The following ACOT1 variants were observed in gnomAD, a reference collection of about 807,000 sequenced individuals.
ACOT1 encodes the protein acyl-coenzyme A thioesterase 1.
In ACOT1, 8 loss-of-function variants were observed where a neutral mutation model predicts 15.7. That is an observed-to-expected ratio of 0.51 (90% CI 0.30 to 0.92). The LOEUF is 0.92. Among genes scored for constraint, ACOT1 ranks in the 40% least tolerant of loss-of-function variants. The probability of loss-of-function intolerance (pLI) is 0.06; values close to 1 mark genes in which losing one functional copy is unlikely to be tolerated. For missense variants in ACOT1, 151 were observed against 539.4 expected (o/e 0.28, Z 7.13); for synonymous variants, 67 against 241.2 (o/e 0.28, Z 6.69).
the ACOT1 span, chr14:73,502,765 T>C: frequency 1.1e-5 from 8 of 709,890 alleles, no homozygotes; most frequent in South Asian, 1.3e-4. Context: ...GCCAGGATGG[T>C]CTCGATCTCC....
the ACOT1 span, chr14:73,518,931 T>TG: frequency 7.8e-7 from 1 of 1,289,568 alleles, no homozygotes; most frequent in South Asian, 1.5e-5. Context: ...GCCCATGAAC[T>TG]GGGAGCTCTA....
chr14:73,505,513 C>T, the ACOT1 span, among the ~76,000 whole-genome samples: 1 of 152,026 alleles, frequency 6.6e-6, no homozygotes, highest in Non-Finnish European at 1.5e-5. Context: ...TCTTGTGCCT[C>T]AGCCTTCCAA....
the ACOT1 span, among the ~76,000 whole-genome samples, chr14:73,502,195 C>T: frequency 3.9e-5 from 6 of 151,912 alleles, no homozygotes; most frequent in Non-Finnish European, 8.8e-5. Context: ...GGCTGGGCCT[C>T]CTGTGCAGTC....
chr14:73,522,147 G>A, the ACOT1 span: 21 of 969,134 alleles, frequency 2.2e-5, no homozygotes, highest in East Asian at 4.8e-5. Context: ...AGAGCAGGCC[G>A]GTGGTGGAGA....
chr14:73,522,932 G>A, the ACOT1 span: 1 of 1,614,234 alleles, frequency 6.2e-7, no homozygotes, highest in Middle Eastern at 1.6e-4. Flanking sequence ...CACCTCCTGA[G>A]AGAAGGTAAG....
chr14:73,538,883 G>A (rs1482842350), intron 1 of ACOT1, among the ~76,000 whole-genome samples: 1 of 113,090 alleles, frequency 8.8e-6, no homozygotes, highest in Non-Finnish European at 1.9e-5. Flanking sequence ...CAGGAGAATC[G>A]CTGGAACCCT....
At chr14:73,500,841 C>T in the ACOT1 span, 6 of 938,402 alleles carry the variant, frequency 6.4e-6, no homozygotes, top group African/African-American at 6.6e-5. Context: ...CTGTCAATCC[C>T]ATTCAGCCTT....
At chr14:73,536,397 G>GTTT (rs1480968020), upstream of ACOT1, among the ~76,000 whole-genome samples, 5 of 109,462 alleles carry the variant, frequency 4.6e-5, 1 homozygote, top group African/African-American at 1.5e-4. Context: ...CCCTTGAGGT[G>GTTT]TTTGAGAGGC....
the ACOT1 span, among the ~76,000 whole-genome samples, chr14:73,523,720 T>G: frequency 6.6e-6 from 1 of 152,286 alleles, no homozygotes; most frequent in African/African-American, 2.4e-5. Flanking sequence ...AAATGGCCTT[T>G]CGTACTTGAC....
the ACOT1 span, among the ~76,000 whole-genome samples, chr14:73,521,360 C>T: frequency 6.6e-6 from 1 of 152,122 alleles, no homozygotes; most frequent in African/African-American, 2.4e-5. Flanking sequence ...GCGGCATGGC[C>T]TTGGGGAAGG....
chr14:73,510,230 T>C, the ACOT1 span, among the ~76,000 whole-genome samples: 66,633 of 151,634 alleles, frequency 0.44, 15,480 homozygotes, highest in African/African-American at 0.57. Context: ...TACATTATCT[T>C]GTTATCTTTC....
rs1407868927 is a variant in ACOT1, at chr14:73,538,052, C to T, written c.457+174C>T. 2.7e-5 allele frequency among the ~76,000 whole-genome samples: 3 copies of T among 110,196 alleles called. 1 individual carries two copies. The highest frequency in any genetic ancestry group is 5.9e-5 in the Non-Finnish European group (3 of 51,008). 72.3% of individuals were successfully genotyped at this position (110,196 alleles called of 152,430 possible). A position where few individuals can be genotyped will look rare whatever the true frequency, so the allele number is the denominator to read the frequency against. ...ATGTTGCCCAGGTAGGTCTTGAACT[C>T]CTGGACCCAAGCTATCCTCCCGCCT... On this transcript the variant is annotated intron_variant, in intron 1 of 2. Coordinates refer to ENST00000311148, the MANE Select transcript of ACOT1 (RefSeq NM_001037161.2).
chr14:73,526,256 C>G, the ACOT1 span, among the ~76,000 whole-genome samples: 204 of 152,278 alleles, frequency 1.3e-3, no homozygotes, highest in Non-Finnish European at 2.2e-3. Flanking sequence ...AGCTCTGGGC[C>G]AGAGGAGAAT....
the ACOT1 span, among the ~76,000 whole-genome samples, chr14:73,509,135 G>A: frequency 6.6e-6 from 1 of 152,160 alleles, no homozygotes; most frequent in South Asian, 2.1e-4. Context: ...CCAAAGTGCT[G>A]GGATTACAGG....
the ACOT1 span, chr14:73,509,529 C>G: frequency 5.0e-6 from 8 of 1,584,438 alleles, no homozygotes; most frequent in Middle Eastern, 4.4e-4. Context: ...TTCTCACACA[C>G]AGCTTCCTTC....
chr14:73,506,233 A>C, the ACOT1 span, among the ~76,000 whole-genome samples: 4 of 152,092 alleles, frequency 2.6e-5, no homozygotes, highest in Admixed American at 6.6e-5. Flanking sequence ...GTGCTATTTC[A>C]TTGTGGATCA....
At chr14:73,541,470 A>G (rs1370701106) in intron 1 of ACOT1, 23 bp from the exon 2 acceptor site, 1 of 1,242,176 alleles carries the variant, frequency 8.1e-7, no homozygotes, top group Non-Finnish European at 1.1e-6. Flanking sequence ...TTAGTTTTGC[A>G]TTTTGTTTTG....
At chr14:73,503,033 T>A in the ACOT1 span, 1 of 1,549,888 alleles carries the variant, frequency 6.5e-7, no homozygotes, top group South Asian at 1.1e-5. Context: ...GGTATGATCA[T>A]TAGGTATCAT....
chr14:73,500,828 A>G, the ACOT1 span: 1 of 1,136,354 alleles, frequency 8.8e-7, no homozygotes. Flanking sequence ...CGGGTTCTGT[A>G]GGCTGTCAAT....
Sources: allele counts gnomAD v4.1 joint callset (sites outside exome capture counted in the v4.1 genomes callset), GRCh38; gene constraint gnomAD v4.1.1; transcripts MANE v1.5; gene names NCBI Gene and HGNC (gene_info 2026-07-23, HGNC 2026-07-21).